The following SNX29 variants were observed in gnomAD, a reference collection of about 807,000 sequenced individuals.
The protein encoded by SNX29 is sorting nexin 29.
SNX29 carries 78 observed loss-of-function variants against 102.1 expected under a neutral mutation model. The observed-to-expected ratio is 0.76, with a 90% CI of 0.64 to 0.92. The LOEUF (loss-of-function observed/expected upper bound fraction) is 0.92. Ranked by LOEUF, SNX29 falls within the 40% of genes least tolerant of loss-of-function variation. SNX29 has a pLI of 0.00. For missense variants in SNX29, 1,280 were observed against 1,061.7 expected (o/e 1.21, Z -2.86); for synonymous variants, 580 against 414.5 (o/e 1.40, Z -4.85).
intron 3 of SNX29, among the ~76,000 whole-genome samples, chr16:12,004,798 C>T (rs1201964396): frequency 6.6e-6 from 1 of 152,130 alleles, no homozygotes; most frequent in African/African-American, 2.4e-5. Flanking sequence ...AATGATGCAC[C>T]CTATTATCCA....
intron 15 of SNX29, among the ~76,000 whole-genome samples, chr16:12,296,581 A>G (rs1383329219): frequency 1.3e-5 from 2 of 152,224 alleles, no homozygotes; most frequent in African/African-American, 2.4e-5. Flanking sequence ...ATTTGTAAAC[A>G]TGGTTGTGTG....
At chr16:11,979,168 G>A (rs963520034) in intron 1 of SNX29, among the ~76,000 whole-genome samples, 1 of 150,116 alleles carries the variant, frequency 6.7e-6, no homozygotes, top group Admixed American at 6.7e-5. Context: ...GCAGCTACTC[G>A]GGAGGCTGAG....
At chr16:12,214,013 G>A (rs892863487) in intron 14 of SNX29, among the ~76,000 whole-genome samples, 8 of 152,116 alleles carry the variant, frequency 5.3e-5, no homozygotes, top group African/African-American at 1.9e-4. Context: ...TTGGGAAAAC[G>A]TCATCAAATG....
At chr16:12,518,643 C>T (rs528587751) in intron 19 of SNX29, among the ~76,000 whole-genome samples, 1 of 152,274 alleles carries the variant, frequency 6.6e-6, no homozygotes, top group East Asian at 1.9e-4. Flanking sequence ...CCCAGCCTGT[C>T]CCTACCCCCT....
intron 11 of SNX29, among the ~76,000 whole-genome samples, chr16:12,114,412 G>T (rs754980926): frequency 6.6e-6 from 1 of 152,148 alleles, no homozygotes; most frequent in Non-Finnish European, 1.5e-5. Flanking sequence ...TCTCTAAAAT[G>T]ACATGATGGT....
At chr16:12,276,120 T>C (rs1188546473) in intron 14 of SNX29, among the ~76,000 whole-genome samples, 1 of 152,164 alleles carries the variant, frequency 6.6e-6, no homozygotes, top group African/African-American at 2.4e-5. Flanking sequence ...TTCGGACTCC[T>C]GACCTCAAGT....
intron 13 of SNX29, among the ~76,000 whole-genome samples, chr16:12,177,706 TA>T (rs983370672): frequency 6.6e-6 from 1 of 152,234 alleles, no homozygotes; most frequent in Non-Finnish European, 1.5e-5. Context: ...AGTATACAAT[TA>T]TTTTTTTCCA....
chr16:12,562,863 C>G (rs1174107865), intron 20 of SNX29, among the ~76,000 whole-genome samples: 4 of 152,154 alleles, frequency 2.6e-5, no homozygotes, highest in Admixed American at 1.3e-4. Context: ...AGCTCCCGGT[C>G]TGTGCTTTGT....
intron 20 of SNX29, among the ~76,000 whole-genome samples, chr16:12,555,153 G>T (rs369757251): frequency 1.3e-5 from 2 of 151,910 alleles, no homozygotes; most frequent in East Asian, 3.9e-4. Context: ...GTCCAGGAGT[G>T]ACAGGGTCTG....
chr16:12,220,172 A>C (rs1029663215), intron 14 of SNX29, among the ~76,000 whole-genome samples: 1 of 150,988 alleles, frequency 6.6e-6, no homozygotes, highest in South Asian at 2.1e-4. Flanking sequence ...GTTATTTCAC[A>C]GAGCTGAGAA....
intron 11 of SNX29, among the ~76,000 whole-genome samples, chr16:12,125,515 G>C (rs935962745): frequency 6.6e-6 from 1 of 151,626 alleles, no homozygotes; most frequent in Non-Finnish European, 1.5e-5. Flanking sequence ...ACAGTGGATC[G>C]GGTCGGCATC....
chr16:12,533,509 G>C (rs1041779673), intron 20 of SNX29, among the ~76,000 whole-genome samples: 4 of 152,182 alleles, frequency 2.6e-5, no homozygotes, highest in African/African-American at 4.8e-5. Flanking sequence ...TCACATCAGA[G>C]AGCAGCCCGT....
chr16:12,086,391 C>T (rs956093438), intron 11 of SNX29, among the ~76,000 whole-genome samples: 1 of 152,168 alleles, frequency 6.6e-6, no homozygotes, highest in Non-Finnish European at 1.5e-5. Flanking sequence ...CATATGTAGG[C>T]ATCCAGGTCT....
chr16:12,411,149 C>T (rs867898343), intron 18 of SNX29, among the ~76,000 whole-genome samples: 3 of 152,206 alleles, frequency 2.0e-5, no homozygotes, highest in South Asian at 4.1e-4. Flanking sequence ...GAGAAGGACC[C>T]GTTCTAAGGC....
chr16:12,258,195 T>A (rs988434403), intron 14 of SNX29, among the ~76,000 whole-genome samples: 1 of 152,140 alleles, frequency 6.6e-6, no homozygotes, highest in African/African-American at 2.4e-5. Context: ...GAATAAGATA[T>A]GAAGTTTCCC....
At chr16:12,393,434 A>ATGCATGCAT in intron 16 of SNX29, among the ~76,000 whole-genome samples, 1 of 150,824 alleles carries the variant, frequency 6.6e-6, no homozygotes, top group African/African-American at 2.4e-5. Flanking sequence ...TCATTCATTC[A>ATGCATGCAT]GTGTGTTAGT....
chr16:12,566,900 C>G (rs553966664), intron 20 of SNX29, among the ~76,000 whole-genome samples: 2 of 152,162 alleles, frequency 1.3e-5, no homozygotes, highest in South Asian at 2.1e-4. Flanking sequence ...CAGGAAAAGA[C>G]AATCATTAAA....
At chr16:12,079,868 G>T (rs957127920) in intron 11 of SNX29, among the ~76,000 whole-genome samples, 54 of 152,160 alleles carry the variant, frequency 3.5e-4, no homozygotes, top group African/African-American at 1.3e-3. Context: ...AGAGCAGAGA[G>T]ACTTCGTCTA....
At chr16:12,224,707 G>C (rs929546025) in intron 14 of SNX29, among the ~76,000 whole-genome samples, 6 of 152,216 alleles carry the variant, frequency 3.9e-5, no homozygotes, top group African/African-American at 7.2e-5. Flanking sequence ...TCTTTGTCTA[G>C]GCAAGGGTTT....
Sources: gnomAD v4.1 joint callset for allele counts (sites outside exome capture counted in the v4.1 genomes callset) on GRCh38, gnomAD v4.1.1 for gene constraint, MANE v1.5 for transcripts, NCBI Gene and HGNC (gene_info 2026-07-23, HGNC 2026-07-21) for gene names.